Variants in HPD observed in about 807,000 individuals in gnomAD.
The protein encoded by HPD is 4-hydroxyphenylpyruvate dioxygenase.
Under a neutral mutation model 56.9 loss-of-function variants are expected in HPD, and 35 were observed. That is an observed-to-expected ratio of 0.62 (90% CI 0.47 to 0.82). The LOEUF (loss-of-function observed/expected upper bound fraction) is 0.82, where lower values mean the gene tolerates loss of function less well. Among genes scored for constraint, HPD ranks in the 40% least tolerant of loss-of-function variants. HPD has a pLI of 0.00. For synonymous variants in HPD, 186 were observed against 200.2 expected (o/e 0.93, Z 0.60); for missense variants, 442 against 506.8 (o/e 0.87, Z 1.23).
chr12:121,861,220 C>CA (rs1878164393), upstream of HPD, among the ~76,000 whole-genome samples: 2 of 151,864 alleles, frequency 1.3e-5, no homozygotes, highest in Non-Finnish European at 2.9e-5. Context: ...CCTGTAGTCC[C>CA]ATCTACTTGG....
the HPD span, among the ~76,000 whole-genome samples, chr12:121,883,086 G>C: frequency 6.6e-6 from 1 of 152,178 alleles, no homozygotes; most frequent in African/African-American, 2.4e-5. Context: ...GTGTTCCAGG[G>C]TGGGAAGAGC....
chr12:121,856,412 G>T lies in HPD; in HGVS notation c.242-6C>A. The T allele has an allele frequency of 1.2e-6, 2 of 1,613,792 alleles. No individual in the cohort carries two copies. The highest frequency in any genetic ancestry group is 1.7e-6 in the Non-Finnish European group (2 of 1,179,738). ...CACCAGGTGATCGCCCATCTCTGTG[G>T]CCGGCAGGGAGAGGATGGCACTGGA... On this transcript the variant is annotated splice_polypyrimidine_tract_variant and splice_region_variant and intron_variant, in intron 5 of 13. Transcript: ENST00000289004.
intron 7 of HPD, among the ~76,000 whole-genome samples, chr12:121,850,945 C>T (rs1337174201): frequency 1.3e-5 from 2 of 151,120 alleles, no homozygotes; most frequent in Non-Finnish European, 1.5e-5. Flanking sequence ...CTCACCACAA[C>T]GTCTGCCTCC....
intron 7 of HPD, among the ~76,000 whole-genome samples, chr12:121,852,520 AT>A (rs1877825719): frequency 6.8e-6 from 1 of 147,770 alleles, no homozygotes; most frequent in South Asian, 2.2e-4. Flanking sequence ...TTGTCTCTGT[AT>A]TACAGTAACA....
At chr12:121,881,113 A>ACT in the HPD span, among the ~76,000 whole-genome samples, 1 of 152,182 alleles carries the variant, frequency 6.6e-6, no homozygotes, top group Non-Finnish European at 1.5e-5. Flanking sequence ...TTTAAAAATT[A>ACT]CTTTCTGCTC....
intron 3 of HPD, 22 bp downstream of exon 3, chr12:121,857,735 A>G: frequency 6.2e-7 from 1 of 1,609,092 alleles, no homozygotes; most frequent in Non-Finnish European, 8.5e-7. Context: ...TGCTCACTCC[A>G]GCACCTTGCC....
At chr12:121,845,913 G>A (rs556711109) in intron 11 of HPD, among the ~76,000 whole-genome samples, 40 of 152,142 alleles carry the variant, frequency 2.6e-4, no homozygotes, top group Non-Finnish European at 3.8e-4. Context: ...TTGAGGTTGC[G>A]GGGAGATAGG....
the HPD span, among the ~76,000 whole-genome samples, chr12:121,868,940 G>T: frequency 6.6e-6 from 1 of 152,182 alleles, no homozygotes; most frequent in Non-Finnish European, 1.5e-5. Flanking sequence ...TGGAGTGCAA[G>T]TGCAGTGGCA....
Position 121,846,892 on chromosome 12 carries a change from G to T in HPD, c.801C>A (p.Ile267=). 2 of 1,614,140 alleles carry T rather than the reference G, an allele frequency of 1.2e-6. No homozygotes were observed. The highest frequency in any genetic ancestry group is 1.6e-4 in the Middle Eastern group (1 of 6,062). ...TGATGATGTCTTCGGTCTTGAGAGC[G>T]ATGTGCTGGACCCCAGCGCCCCCGT... ...DYNGGAGVQH[I]ALKTEDIITA... Residue 267 remains isoleucine (I), a synonymous_variant, in exon 11 of 14, where the codon ATC becomes ATA. Coordinates refer to ENST00000289004, the MANE Select transcript of HPD (RefSeq NM_002150.3).
At chr12:121,841,794 C>G (rs1877416954) in intron 12 of HPD, among the ~76,000 whole-genome samples, 1 of 151,918 alleles carries the variant, frequency 6.6e-6, no homozygotes, top group African/African-American at 2.4e-5. Flanking sequence ...AAGCAATTCT[C>G]CGGCCTCAGG....
At chr12:121,883,723 T>C in the HPD span, among the ~76,000 whole-genome samples, 2 of 151,184 alleles carry the variant, frequency 1.3e-5, no homozygotes, top group Non-Finnish European at 2.9e-5. Flanking sequence ...CTTGCCACGT[T>C]GCTCAGGCTG....
At chr12:121,865,624 A>G (rs913187878), upstream of HPD, among the ~76,000 whole-genome samples, 4 of 151,860 alleles carry the variant, frequency 2.6e-5, no homozygotes, top group African/African-American at 9.7e-5. Context: ...TATTATAAAC[A>G]AAGTAATCTA....
At chr12:121,888,137 AAC>A in the HPD span, among the ~76,000 whole-genome samples, 1 of 152,224 alleles carries the variant, frequency 6.6e-6, no homozygotes, top group African/African-American at 2.4e-5. Context: ...TCAATAAATA[AAC>A]ACTGTTACCG....
chr12:121,839,534 G>T lies in HPD; in HGVS notation c.*194C>A. On this transcript the variant is annotated 3_prime_UTR_variant, in exon 14 of 14. Transcript: ENST00000289004. The stretch of plus-strand genomic sequence containing the variant: ...ACAAACACAGACACAGTATTGGACC[G>T]GGGCACGCTTTAATCGGGAGGGCTG... The T allele has an allele frequency of 3.2e-6, 2 of 622,652 alleles. No homozygotes were observed. The highest frequency in any genetic ancestry group is 1.8e-5 in the South Asian group (1 of 54,118). 38.6% of individuals were successfully genotyped at this position (622,652 alleles called of 1,614,324 possible).
the HPD span, among the ~76,000 whole-genome samples, chr12:121,879,469 C>A: frequency 2.1e-5 from 1 of 48,040 alleles, no homozygotes; most frequent in African/African-American, 9.4e-5. Flanking sequence ...TCTTTTCTTT[C>A]CTTTTCTCTT....
chr12:121,874,887 G>A, the HPD span, among the ~76,000 whole-genome samples: 1 of 151,466 alleles, frequency 6.6e-6, no homozygotes, highest in African/African-American at 2.4e-5. Flanking sequence ...TCAACCTCCC[G>A]AGTAGCTGGG....
At chr12:121,855,966 G>A (rs540793188) in intron 6 of HPD, among the ~76,000 whole-genome samples, 23 of 57,358 alleles carry the variant, frequency 4.0e-4, no homozygotes, top group African/African-American at 1.8e-3. Context: ...GCAAAACTCC[G>A]TCTCACAAAA....
chr12:121,882,617 A>G, the HPD span, among the ~76,000 whole-genome samples: 1 of 152,230 alleles, frequency 6.6e-6, no homozygotes, highest in Admixed American at 6.6e-5. Flanking sequence ...TGCATGGGAC[A>G]GACAGGTAAA....
rs972886261 is a variant in HPD, at chr12:121,854,915, G to A, written c.325-123C>T. On this transcript the variant is annotated intron_variant, in intron 6 of 13. Coordinates refer to ENST00000289004, the MANE Select transcript of HPD (RefSeq NM_002150.3). ...GCCCCTCCAGTTTCTCCAGCCCCAG[G>A]TAGGAACCCCAGCCAGCTTCAGCCA... is the stretch of plus-strand genomic sequence containing the variant. 6 of 759,678 alleles carry A rather than the reference G, an allele frequency of 7.9e-6. No individual in the cohort carries two copies. In the African/African-American group the frequency reaches 1.0e-4, roughly 13 times the overall value. The allele number at this position is 759,678 out of a possible 1,614,324, so 47.1% of individuals were successfully genotyped here.
Sources: allele counts gnomAD v4.1 joint callset (sites outside exome capture counted in the v4.1 genomes callset), GRCh38; gene constraint gnomAD v4.1.1; transcripts MANE v1.5; gene names NCBI Gene and HGNC (gene_info 2026-07-23, HGNC 2026-07-21).